Variants in KCNE4 observed in about 807,000 individuals in gnomAD.
KCNE4 encodes potassium voltage-gated channel subfamily E regulatory subunit 4.
A neutral mutation model predicts 9.2 loss-of-function variants in KCNE4; 6 were observed. That is an observed-to-expected ratio of 0.65 (90% CI 0.36 to 1.29). The LOEUF is 1.29. KCNE4 is among the 50% of genes most tolerant of loss of function. The probability of loss-of-function intolerance (pLI) is 0.03; values close to 1 mark genes in which losing one functional copy is unlikely to be tolerated. For synonymous variants in KCNE4, 115 were observed against 103.2 expected, an observed-to-expected ratio of 1.11 and a Z score of -0.70; for missense variants, 222 against 228.8, an observed-to-expected ratio of 0.97 and a Z score of 0.19.
rs1385493265 is a variant in KCNE4, at chr2:223,054,736, TGTCTCCAA to T, written c.*1396_*1403del. ...GGAAAACACACAGGAATGCTTCCAA[TGTCTCCAA>T]GTATTCCTGTGGTCAACAGTTTCGC... On this transcript the variant is annotated 3_prime_UTR_variant, in exon 2 of 2. Transcript: ENST00000281830. 1 of 166,890 alleles carries T rather than the reference TGTCTCCAA, an allele frequency of 6.0e-6. No homozygotes were observed. Among genetic ancestry groups the T allele is most frequent in the Non-Finnish European group, 1.5e-5 (1 of 68,120 alleles). The allele number at this position is 166,890 out of a possible 1,614,324, so 10.3% of individuals were successfully genotyped here.
At chr2:223,052,385 T>A in intron 1 of KCNE4, 111 bp downstream of exon 1, 1 of 817,856 alleles carries the variant, frequency 1.2e-6, no homozygotes, top group Non-Finnish European at 1.6e-6. Flanking sequence ...TTCTTTGTTC[T>A]AAGGAAACAT....
Position 223,054,101 on chromosome 2 carries a change from G to T in KCNE4, c.*758G>T, listed in dbSNP as rs969679309. Reference sequence around the variant, plus strand: ...AATCTAACCTGCACTCCCGATGGTGGTTCAGGAGACTCTTCCTGATCTTTC... The same window carrying T: ...AATCTAACCTGCACTCCCGATGGTGTTTCAGGAGACTCTTCCTGATCTTTC... On this transcript the variant is annotated 3_prime_UTR_variant, in exon 2 of 2. Coordinates refer to ENST00000281830, the MANE Select transcript of KCNE4 (RefSeq NM_080671.4). The T allele has an allele frequency of 6.0e-6, 1 of 167,108 alleles. No homozygotes were observed. The highest frequency in any genetic ancestry group is 2.4e-5 in the African/African-American group (1 of 41,440). The allele number at this position is 167,108 out of a possible 1,614,324, so 10.4% of individuals were successfully genotyped here. A position where few individuals can be genotyped will look rare whatever the true frequency, so the allele number is the denominator to read the frequency against.
chr2:223,053,577 C>T lies in KCNE4; in HGVS notation c.*234C>T, dbSNP rs768106036. The T allele has an allele frequency of 6.9e-6, 4 of 581,194 alleles. No homozygotes were observed. Among genetic ancestry groups the T allele is most frequent in the East Asian group, 3.0e-5 (1 of 33,218 alleles). The allele number at this position is 581,194 out of a possible 1,614,324, so 36.0% of individuals were successfully genotyped here. On this transcript the variant is annotated 3_prime_UTR_variant, in exon 2 of 2. Coordinates refer to ENST00000281830, the MANE Select transcript of KCNE4 (RefSeq NM_080671.4). The surrounding 1 kb of genome is among the most constrained non-coding windows in gnomAD (Gnocchi z 4.1). ...CACCACTGAAAAAGCCGCGGAGATG[C>T]GCAGCGCGTACACTGACTTTGGGGC...
At chr2:223,052,781 A>T in intron 1 of KCNE4, 27 bp from the exon 2 acceptor site, 1 of 1,600,442 alleles carries the variant, frequency 6.2e-7, no homozygotes, top group Non-Finnish European at 8.5e-7. Context: ...CCTGGGGGAG[A>T]GTTCTAACCT....
Position 223,053,477 on chromosome 2 carries a change from G to T in KCNE4, c.*134G>T. Reference sequence around the variant, plus strand: ...GAGACCCTTGGTAAACCCCTGATTCGGGGTGGGGTGGGGGACTAGGCTCAG... The same window carrying T: ...GAGACCCTTGGTAAACCCCTGATTCTGGGTGGGGTGGGGGACTAGGCTCAG... On this transcript the variant is annotated 3_prime_UTR_variant, in exon 2 of 2. Coordinates refer to ENST00000281830, the MANE Select transcript of KCNE4 (RefSeq NM_080671.4). This position sits in a 1 kb window ranked among gnomAD's most constrained non-coding sequence, Gnocchi z 4.1. 4.3e-6 allele frequency: 4 copies of T among 940,142 alleles called. No individual in the cohort carries two copies. Among genetic ancestry groups the T allele is most frequent in the Non-Finnish European group, 6.7e-6 (4 of 598,796 alleles). The allele number at this position is 940,142 out of a possible 1,614,324, so 58.2% of individuals were successfully genotyped here. A position where few individuals can be genotyped will look rare whatever the true frequency, so the allele number is the denominator to read the frequency against.
intron 1 of KCNE4, 93 bp from the exon 2 acceptor site, chr2:223,052,715 T>G (rs1698710989): frequency 2.1e-6 from 3 of 1,398,432 alleles, no homozygotes; most frequent in Admixed American, 4.0e-5. Flanking sequence ...CTTTTAAGCT[T>G]TTTTGGTATT....
Position 223,053,849 on chromosome 2 carries a change from GATTAGA to G in KCNE4, c.*507_*512del, listed in dbSNP as rs1698729973. Reference sequence around the variant, plus strand: ...CACAGTGGGTTACAAGCTTCTTTTGGATTAGAGGGGGATTTTTGATGGGAGAAAGCT... The same window carrying G: ...CACAGTGGGTTACAAGCTTCTTTTGGGGGGGATTTTTGATGGGAGAAAGCT... On this transcript the variant is annotated 3_prime_UTR_variant, in exon 2 of 2. Transcript: ENST00000281830. This position sits in a 1 kb window ranked among gnomAD's most constrained non-coding sequence, Gnocchi z 4.1. The G allele has an allele frequency of 5.8e-6, 1 of 173,608 alleles. No individual in the cohort carries two copies. Among genetic ancestry groups the G allele is most frequent in the African/African-American group, 2.4e-5 (1 of 41,584 alleles). The allele number at this position is 173,608 out of a possible 1,614,324, so 10.8% of individuals were successfully genotyped here. A position where few individuals can be genotyped will look rare whatever the true frequency, so the allele number is the denominator to read the frequency against.
rs1574612391 is a variant in KCNE4 at position 223,054,763 on chromosome 2, G to A, written c.*1420G>A. 1.2e-5 allele frequency: 2 copies of A among 166,932 alleles called. No homozygotes were observed. The highest frequency in any genetic ancestry group is 3.8e-4 in the East Asian group (2 of 5,200). 10.3% of individuals were successfully genotyped at this position (166,932 alleles called of 1,614,324 possible). A position where few individuals can be genotyped will look rare whatever the true frequency, so the allele number is the denominator to read the frequency against. On this transcript the variant is annotated 3_prime_UTR_variant, in exon 2 of 2. Transcript: ENST00000281830. ...TCTCCAAGTATTCCTGTGGTCAACA[G>A]TTTCGCAGATCCGTTAGGCCCTTAA...
intron 1 of KCNE4, 50 bp downstream of exon 1, chr2:223,052,324 C>T: frequency 1.6e-6 from 2 of 1,221,398 alleles, no homozygotes; most frequent in Non-Finnish European, 2.0e-6. Flanking sequence ...GAAAGAGGGA[C>T]ATTTTTGCCA....
intron 1 of KCNE4, 31 bp from the exon 2 acceptor site, chr2:223,052,777 G>A (rs1447912696): frequency 7.5e-6 from 12 of 1,599,674 alleles, no homozygotes; most frequent in Non-Finnish European, 1.0e-5. Context: ...AGGACCTGGG[G>A]GAGAGTTCTA....
rs1420409406 is a variant in KCNE4 at position 223,052,752 on chromosome 2, C to A, written c.-23-56C>A. On this transcript the variant is annotated intron_variant, in intron 1 of 1. Transcript: ENST00000281830. ...CAGTTCCACAAACCTCGTGCTCCCC[C>A]ACCTCCCTGTGCCCAGGACCTGGGG... 2.5e-6 allele frequency: 4 copies of A among 1,581,356 alleles called. No homozygotes were observed. In the East Asian group the frequency reaches 6.7e-5, roughly 27 times the overall value.
Position 223,053,077 on chromosome 2 carries a change from G to C in KCNE4, c.247G>C (p.Ala83Pro). ...YKDEERLWGE[A>P]MKPLPVVSGL... is the part of the protein sequence containing the mutation. ...AGACGAGGAGCGGCTCTGGGGGGAG[G>C]CCATGAAGCCGCTGCCTGTGGTGTC... The change falls in exon 2 of 2, where the codon GCC (alanine) becomes CCC (proline). Residue 83 changes from alanine (A) to proline (P), a missense_variant. Coordinates refer to ENST00000281830, the MANE Select transcript of KCNE4 (RefSeq NM_080671.4). This position sits in a 1 kb window ranked among gnomAD's most constrained non-coding sequence, Gnocchi z 4.1. 1 of 1,613,994 alleles carries C rather than the reference G, an allele frequency of 6.2e-7. No homozygotes were observed. Among genetic ancestry groups the C allele is most frequent in the South Asian group, 1.1e-5 (1 of 91,072 alleles).
rs1449011444 is a variant in KCNE4, at chr2:223,052,255, G to A, written c.-43G>A. The A allele has an allele frequency of 1.1e-5, 14 of 1,235,228 alleles. No individual in the cohort carries two copies. The highest frequency in any genetic ancestry group is 1.4e-5 in the Non-Finnish European group (14 of 990,268). The allele number at this position is 1,235,228 out of a possible 1,614,324, so 76.5% of individuals were successfully genotyped here. On this transcript the variant is annotated 5_prime_UTR_variant, in exon 1 of 2. Transcript: ENST00000281830. The stretch of plus-strand genomic sequence containing the variant: ...TGGACGATTTGGGAATTCAAAACTT[G>A]GGACAAACTGTCAGCCTTGGTAAGT...
Position 223,053,345 on chromosome 2 carries a change from AC to A in KCNE4, c.*7del. On this transcript the variant is annotated 3_prime_UTR_variant, in exon 2 of 2. Coordinates refer to ENST00000281830, the MANE Select transcript of KCNE4 (RefSeq NM_080671.4). This position sits in a 1 kb window ranked among gnomAD's most constrained non-coding sequence, Gnocchi z 4.1. ...GAGAACATCCATCAGAATTCCTAGC[AC>A]CCCCGGGACCCCTGCCGGTGGCTCC... 1.2e-6 allele frequency: 2 copies of A among 1,611,720 alleles called. No homozygotes were observed. The highest frequency in any genetic ancestry group is 1.7e-6 in the Non-Finnish European group (2 of 1,179,118).
rs760711438 is a variant in KCNE4 at position 223,053,318 on chromosome 2, C to T, written c.488C>T (p.Ser163Leu). The T allele has an allele frequency of 1.2e-6, 2 of 1,613,830 alleles. No homozygotes were observed. The highest frequency in any genetic ancestry group is 2.7e-5 in the African/African-American group (2 of 75,048). ...CTCAACGAGAGCAGCGAAGGGTCCTCGGAGAACATCCATCAGAATTCCTAG... is the reference window on the plus strand; with the variant it reads ...CTCAACGAGAGCAGCGAAGGGTCCTTGGAGAACATCCATCAGAATTCCTAG... The part of the protein sequence containing the change: ...TPLNESSEGS[S>L]ENIHQNS Residue 163 changes from serine (S) to leucine (L), a missense_variant, in exon 2 of 2, where the codon TCG (serine) becomes TTG (leucine). Coordinates refer to ENST00000281830, the MANE Select transcript of KCNE4 (RefSeq NM_080671.4). The surrounding 1 kb of genome is among the most constrained non-coding windows in gnomAD (Gnocchi z 4.1).
At position 223,052,815 on chromosome 2, in the gene KCNE4, T is replaced by G. The variant is rs1230426180; in HGVS notation, c.-16T>G. 1.2e-6 allele frequency: 2 copies of G among 1,608,582 alleles called. No homozygotes were observed. The highest frequency in any genetic ancestry group is 1.7e-6 in the Non-Finnish European group (2 of 1,179,936). On this transcript the variant is annotated 5_prime_UTR_variant, in exon 2 of 2. Transcript: ENST00000281830. Reference sequence around the variant, plus strand: ...CTGCGGCTTTTTCCCCAGCCCCTGCTGTGGAGGCAGCCTCAATGCTGAAAA... The same window carrying G: ...CTGCGGCTTTTTCCCCAGCCCCTGCGGTGGAGGCAGCCTCAATGCTGAAAA...
intron 1 of KCNE4, 73 bp from the exon 2 acceptor site, chr2:223,052,735 C>A (rs1698711134): frequency 6.5e-7 from 1 of 1,541,488 alleles, no homozygotes; most frequent in East Asian, 2.3e-5. Flanking sequence ...TGCAGTTCCA[C>A]AAACCTCGTG....
intron 1 of KCNE4, 48 bp downstream of exon 1, chr2:223,052,322 G>A: frequency 8.1e-7 from 1 of 1,228,414 alleles, no homozygotes; most frequent in African/African-American, 1.6e-5. Context: ...TTGAAAGAGG[G>A]ACATTTTTGC....
At position 223,052,790 on chromosome 2, in the gene KCNE4, C is replaced by A; in HGVS notation, c.-23-18C>A. On this transcript the variant is annotated intron_variant, in intron 1 of 1. Transcript: ENST00000281830. ...CCAGGACCTGGGGGAGAGTTCTAAC[C>A]TGCGGCTTTTTCCCCAGCCCCTGCT... 6.2e-7 allele frequency: 1 copy of A among 1,603,364 alleles called. No individual in the cohort carries two copies.
Sources: allele counts gnomAD v4.1 joint callset, GRCh38; gene constraint gnomAD v4.1.1; non-coding constraint Gnocchi (gnomAD v3.1); transcripts MANE v1.5; gene names NCBI Gene and HGNC (gene_info 2026-07-23, HGNC 2026-07-21).